NPAS3: variants seen among roughly 807,000 people sequenced by gnomAD.
NPAS3 encodes the protein neuronal PAS domain-containing protein 3.
A neutral mutation model predicts 73.1 loss-of-function variants in NPAS3; 14 were observed. The ratio of observed to expected loss-of-function variants is 0.19; its 90% CI spans 0.13 to 0.30. The LOEUF (loss-of-function observed/expected upper bound fraction) is 0.30. Among genes scored for constraint, NPAS3 ranks in the 10% least tolerant of loss-of-function variants. The pLI is 1.00. For missense variants in NPAS3, 1,096 were observed against 1,250.0 expected, an observed-to-expected ratio of 0.88 and a Z score of 1.86; for synonymous variants, 620 against 541.5, an observed-to-expected ratio of 1.14 and a Z score of -2.01.
intron 9 of NPAS3, among the ~76,000 whole-genome samples, chr14:33,783,575 G>A (rs1200398553): frequency 7.5e-6 from 1 of 132,916 alleles, no homozygotes; most frequent in Non-Finnish European, 1.6e-5. Flanking sequence ...GTATTATTTT[G>A]TCTTAGTTTT....
At position 33,365,014 on chromosome 14, in the gene NPAS3, G is replaced by A. The variant is rs140458575; in HGVS notation, c.386-2172G>A. 8.6e-3 allele frequency among the ~76,000 whole-genome samples: 1,264 copies of A among 147,812 alleles called. 19 individuals carry two copies. The highest frequency in any genetic ancestry group is 0.03 in the African/African-American group (1,206 of 40,592). ...CTTTTTTCTTTTTTTGGGGGAGGGG[G>A]GAGGGGACGTGCAGTGATTTATTTT... On this transcript the variant is annotated intron_variant, in intron 3 of 11. Transcript: ENST00000356141.
chr14:33,373,272 A>G (rs968634952), intron 4 of NPAS3, among the ~76,000 whole-genome samples: 2 of 152,182 alleles, frequency 1.3e-5, no homozygotes, highest in East Asian at 1.9e-4. Flanking sequence ...TGCAAACTCC[A>G]TAGTAATAAT....
At chr14:33,337,984 A>C (rs1291852410) in intron 3 of NPAS3, among the ~76,000 whole-genome samples, 1 of 149,244 alleles carries the variant, frequency 6.7e-6, no homozygotes, top group African/African-American at 2.5e-5. Context: ...TAGATTTCTT[A>C]GGTTTTTTTT....
At chr14:33,498,700 G>C (rs1049190817) in intron 4 of NPAS3, among the ~76,000 whole-genome samples, 2 of 112,474 alleles carry the variant, frequency 1.8e-5, no homozygotes, top group African/African-American at 9.4e-5. Context: ...GGGATGGGGG[G>C]GCTAGGGAAG....
At chr14:33,738,076 C>T (rs773581923) in intron 7 of NPAS3, among the ~76,000 whole-genome samples, 7 of 152,218 alleles carry the variant, frequency 4.6e-5, no homozygotes, top group Non-Finnish European at 1.0e-4. Flanking sequence ...GACTGCGTGG[C>T]AGCCACTGTG....
At chr14:33,048,438 G>A (rs1595323583) in intron 1 of NPAS3, among the ~76,000 whole-genome samples, 1 of 152,174 alleles carries the variant, frequency 6.6e-6, no homozygotes, top group Non-Finnish European at 1.5e-5. Context: ...TCAGTTCCCT[G>A]AAGTCAGGCT....
At chr14:33,383,410 C>T (rs1018575756) in intron 4 of NPAS3, among the ~76,000 whole-genome samples, 5 of 152,132 alleles carry the variant, frequency 3.3e-5, no homozygotes, top group African/African-American at 9.7e-5. Flanking sequence ...TAACTGATTT[C>T]AGGGTGCATT....
At chr14:33,564,853 G>C (rs1231116046) in intron 5 of NPAS3, among the ~76,000 whole-genome samples, 1 of 152,172 alleles carries the variant, frequency 6.6e-6, no homozygotes, top group Non-Finnish European at 1.5e-5. Flanking sequence ...AGCAAGCCAG[G>C]AAATTTACAC....
intron 5 of NPAS3, among the ~76,000 whole-genome samples, chr14:33,586,813 TAC>T (rs1173541135): frequency 6.6e-6 from 1 of 152,216 alleles, no homozygotes; most frequent in Non-Finnish European, 1.5e-5. Context: ...AGACAATGCT[TAC>T]CACACCATGT....
chr14:33,158,753 G>A (rs1480813002), intron 2 of NPAS3, among the ~76,000 whole-genome samples: 1 of 152,178 alleles, frequency 6.6e-6, no homozygotes, highest in East Asian at 1.9e-4. Flanking sequence ...GAGGGGCCCT[G>A]TTACTTGTCT....
chr14:33,485,208 G>A (rs974784242), intron 4 of NPAS3, among the ~76,000 whole-genome samples: 1 of 152,100 alleles, frequency 6.6e-6, no homozygotes, highest in Non-Finnish European at 1.5e-5. Flanking sequence ...CCTCATCTTT[G>A]TGTAAAAGTC....
intron 2 of NPAS3, among the ~76,000 whole-genome samples, chr14:33,205,302 T>C (rs554871582): frequency 6.6e-6 from 1 of 152,314 alleles, no homozygotes; most frequent in African/African-American, 2.4e-5. Flanking sequence ...GTTCAGTATC[T>C]TGAGAATATC....
At chr14:33,197,268 T>TGTGTGTGTG (rs1555353808) in intron 2 of NPAS3, among the ~76,000 whole-genome samples, 30 of 98,028 alleles carry the variant, frequency 3.1e-4, no homozygotes, top group Non-Finnish European at 4.6e-4. Flanking sequence ...TGTGTGTGTG[T>TGTGTGTGTG]TCTTTTTCAA....
At chr14:33,058,752 T>A (rs931619011) in intron 2 of NPAS3, among the ~76,000 whole-genome samples, 5 of 152,240 alleles carry the variant, frequency 3.3e-5, no homozygotes, top group Non-Finnish European at 5.9e-5. Context: ...ACTGCACATA[T>A]GTGTTTACTG....
At chr14:33,210,489 A>G (rs1379761164) in intron 2 of NPAS3, among the ~76,000 whole-genome samples, 1 of 152,120 alleles carries the variant, frequency 6.6e-6, no homozygotes. Flanking sequence ...TCTGGGCACC[A>G]CTTGTCCTGG....
intron 4 of NPAS3, among the ~76,000 whole-genome samples, chr14:33,368,676 A>T (rs996309168): frequency 6.6e-6 from 1 of 152,190 alleles, no homozygotes; most frequent in African/African-American, 2.4e-5. Flanking sequence ...GGGAGTTGCT[A>T]TTCTATTGTA....
At chr14:32,945,661 CAG>C (rs1457845733) in intron 1 of NPAS3, among the ~76,000 whole-genome samples, 1 of 152,178 alleles carries the variant, frequency 6.6e-6, no homozygotes. Context: ...GAGCCAATAT[CAG>C]AGAGTTCCAA....
At chr14:33,203,791 A>G (rs1428586686) in intron 2 of NPAS3, among the ~76,000 whole-genome samples, 1 of 152,170 alleles carries the variant, frequency 6.6e-6, no homozygotes, top group African/African-American at 2.4e-5. Context: ...ATATGTGTGC[A>G]TGTGTCTTTA....
intron 1 of NPAS3, among the ~76,000 whole-genome samples, chr14:33,009,954 T>C (rs2039132211): frequency 1.3e-5 from 2 of 152,186 alleles, no homozygotes; most frequent in Admixed American, 1.3e-4. Flanking sequence ...AGTGTAATCT[T>C]CAAGATTCAT....
Sources: allele counts gnomAD v4.1 joint callset (sites outside exome capture counted in the v4.1 genomes callset), GRCh38; gene constraint gnomAD v4.1.1; transcripts MANE v1.5; gene names NCBI Gene and HGNC (gene_info 2026-07-23, HGNC 2026-07-21).